The following OBSL1 variants were observed in gnomAD, a reference collection of about 807,000 sequenced individuals.
The protein encoded by OBSL1 is obscurin-like protein 1.
OBSL1 carries 160 observed loss-of-function variants against 172.0 expected under a neutral mutation model. The ratio of observed to expected loss-of-function variants is 0.93; its 90% confidence interval spans 0.82 to 1.06. The LOEUF is 1.06. Among genes scored for constraint, OBSL1 ranks in the 50% least tolerant of loss-of-function variants. OBSL1 has a pLI of 0.00. For synonymous variants in OBSL1, 1,200 were observed against 1,196.3 expected (o/e 1.00, Z -0.06); for missense variants, 2,681 against 2,715.4 (o/e 0.99, Z 0.28).
At chr2:219,563,116 C>A (rs1347988652) in intron 7 of OBSL1, 7 of 524,370 alleles carry the variant, frequency 1.3e-5, no homozygotes, top group Non-Finnish European at 2.3e-5. Context: ...TCCCTTGGTA[C>A]AGGTTTTCAG....
chr2:219,558,880 G>A (rs760173741), intron 9 of OBSL1, among the ~76,000 whole-genome samples: 5 of 151,964 alleles, frequency 3.3e-5, no homozygotes, highest in Admixed American at 6.6e-5. Flanking sequence ...TTTATTTTTT[G>A]TCTGTCCACC....
At chr2:219,548,212 G>T, downstream of OBSL1, 1 of 873,522 alleles carries the variant, frequency 1.1e-6, no homozygotes, top group Non-Finnish European at 1.7e-6. Context: ...CTTGCTCAGG[G>T]TCTGGGAGGA....
Position 219,568,446 on chromosome 2 carries a change from G to C in OBSL1, c.1013-122C>G, listed in dbSNP as rs541941535. On this transcript the variant is annotated intron_variant, in intron 1 of 20. Transcript: ENST00000404537. The surrounding 1 kb of genome is among the most constrained non-coding windows in gnomAD (Gnocchi z 4.1). ...TTCATGCAGAGCCAGCGGGCACTGT[G>C]GAATCACAGAAAACTACCAGAAGGG... is the stretch of plus-strand genomic sequence containing the variant. The C allele has an allele frequency of 1.2e-5, 12 of 984,066 alleles. No homozygotes were observed. In the Admixed American group the frequency reaches 3.4e-4, roughly 28 times the overall value. 61.0% of individuals were successfully genotyped at this position (984,066 alleles called of 1,614,324 possible).
Position 219,567,578 on chromosome 2 carries a change from G to A in OBSL1, c.1535-3C>T. 6.2e-7 allele frequency: 1 copy of A among 1,607,030 alleles called. No homozygotes were observed. The highest frequency in any genetic ancestry group is 8.5e-7 in the Non-Finnish European group (1 of 1,174,284). On this transcript the variant is annotated splice_region_variant and splice_polypyrimidine_tract_variant and intron_variant, in intron 3 of 20. Transcript: ENST00000404537. ...TCCTGGGGGACTGTGCTTGACACCT[G>A]AGACCAAGGCAGGGATGTGTTCCGG...
chr2:219,563,444 A>G lies in OBSL1; in HGVS notation c.2591T>C (p.Leu864Pro), dbSNP rs903796114. Reference sequence around the variant, plus strand: ...TGAGGGCTGGGTGGCGGGCAGCACCAGGCGGCGATGGGGCCCCTCATTCTC... The same window carrying G: ...TGAGGGCTGGGTGGCGGGCAGCACCGGGCGGCGATGGGGCCCCTCATTCTC... ...VLENEGPHRR[L>P]VLPATQPSDG... The change falls in exon 7 of 21, where the codon CTG (leucine) becomes CCG (proline). Residue 864 changes from leucine to proline, a missense_variant. By Grantham distance (98) the Leu-to-Pro change is moderately conservative (BLOSUM62 -3). This residue lies in a region of OBSL1 where 1,765 missense variants were observed against 1,748.3 expected (regional missense o/e 1.01). Coordinates refer to ENST00000404537, the MANE Select transcript of OBSL1 (RefSeq NM_015311.3). The G allele has an allele frequency of 1.3e-5, 21 of 1,613,620 alleles. No individual in the cohort carries two copies. Among genetic ancestry groups the G allele is most frequent in the Non-Finnish European group, 1.8e-5 (21 of 1,179,760 alleles).
At chr2:219,555,681 GT>G in intron 14 of OBSL1, 9 of 1,124,114 alleles carry the variant, frequency 8.0e-6, no homozygotes, top group Non-Finnish European at 8.7e-6. Flanking sequence ...GTGGGGTGCT[GT>G]TTGACAGCCA....
In OBSL1 at chr2:219,570,868, C is replaced by T. The variant is rs772266785; in HGVS notation, c.365G>A (p.Gly122Glu). The T allele has an allele frequency of 7.2e-7, 1 of 1,397,394 alleles. No individual in the cohort carries two copies. Among genetic ancestry groups the T allele is most frequent in the Non-Finnish European group, 9.3e-7 (1 of 1,077,250 alleles). The allele number at this position is 1,397,394 out of a possible 1,614,324, so 86.6% of individuals were successfully genotyped here. A position where few individuals can be genotyped will look rare whatever the true frequency, so the allele number is the denominator to read the frequency against. The change falls in exon 1 of 21, where the codon GGG becomes GAG. Residue 122 changes from glycine to glutamate, a missense_variant. Gly to Glu is a moderately conservative substitution (Grantham distance 98, BLOSUM62 -2). Coordinates refer to ENST00000404537, the MANE Select transcript of OBSL1 (RefSeq NM_015311.3). ...QPAERPLPSP[G>E]SGEGAPVFLT... ...GAAGACCGGGGCGCCCTCCCCGGAC[C>T]CCGGCGATGGCAGCGGGCGCTCGGC...
At chr2:219,554,405 C>T in intron 15 of OBSL1, 69 bp downstream of exon 15, 1 of 1,556,438 alleles carries the variant, frequency 6.4e-7, no homozygotes, top group South Asian at 1.2e-5. Flanking sequence ...AGTTGGGGGT[C>T]AGTATTCATG....
chr2:219,561,404 T>C (rs559781801), intron 8 of OBSL1, among the ~76,000 whole-genome samples: 1 of 152,188 alleles, frequency 6.6e-6, no homozygotes, highest in East Asian at 1.9e-4. Flanking sequence ...CTTCTCCCGC[T>C]TTGAATATTC....
chr2:219,565,847 G>A (rs1315699094), intron 5 of OBSL1, among the ~76,000 whole-genome samples: 3 of 152,164 alleles, frequency 2.0e-5, no homozygotes, highest in East Asian at 1.9e-4. Flanking sequence ...CTCTGCCTGC[G>A]ATGCTGACAG....
chr2:219,549,759 C>T (rs768889415), downstream of OBSL1: 7 of 1,614,144 alleles, frequency 4.3e-6, no homozygotes, highest in South Asian at 6.6e-5. Context: ...CGGGAGCTCC[C>T]TGAGCTCCTT....
chr2:219,559,710 G>A (rs532589038), intron 8 of OBSL1: 12 of 546,968 alleles, frequency 2.2e-5, no homozygotes, highest in Admixed American at 6.4e-5. Flanking sequence ...GAAATGATGC[G>A]TTTCTCATCT....
At chr2:219,553,798 TGG>T in intron 15 of OBSL1, 112 bp from the exon 16 acceptor site, 2 of 298,030 alleles carry the variant, frequency 6.7e-6, no homozygotes, top group Non-Finnish European at 5.9e-6. Context: ...CACTAGCGAG[TGG>T]GGTTCGAGCT....
Position 219,567,804 on chromosome 2 carries a change from A to G in OBSL1, c.1448T>C (p.Val483Ala). 2 of 1,613,822 alleles carry G rather than the reference A, an allele frequency of 1.2e-6. No individual in the cohort carries two copies. Among genetic ancestry groups the G allele is most frequent in the African/African-American group, 2.7e-5 (2 of 75,032 alleles). ...ATCCTCTCGGGTGACCCCTGGAAGG[A>G]CCAGGGCATGCATGTGGCCTGAGCT... ...QSSSGHMHALVLPGVTREDAG... is the reference protein window; with the variant it reads ...QSSSGHMHALALPGVTREDAG... The change falls in exon 3 of 21, where the codon GTC (valine) becomes GCC (alanine). Residue 483 changes from valine to alanine, a missense_variant. Val to Ala is a moderately conservative substitution (Grantham distance 64). Around this residue, in one of 5 missense-constraint regions of OBSL1, gnomAD observed 706 missense variants for 695.8 expected, o/e 1.01. Coordinates refer to ENST00000404537, the MANE Select transcript of OBSL1 (RefSeq NM_015311.3).
At chr2:219,562,731 T>A in intron 7 of OBSL1, 57 bp from the exon 8 acceptor site, 9 of 1,490,174 alleles carry the variant, frequency 6.0e-6, no homozygotes, top group Non-Finnish European at 8.1e-6. Flanking sequence ...CCGTCCTCCC[T>A]GACCCCGTTG....
chr2:219,566,282 G>C (rs1432256409), intron 5 of OBSL1, among the ~76,000 whole-genome samples: 2 of 152,186 alleles, frequency 1.3e-5, no homozygotes, highest in Non-Finnish European at 2.9e-5. Context: ...GGGAGGCTGA[G>C]GCAGGAGAAT....
downstream of OBSL1, among the ~76,000 whole-genome samples, chr2:219,548,783 T>C (rs1321117701): frequency 3.3e-5 from 5 of 152,166 alleles, no homozygotes; most frequent in Non-Finnish European, 7.4e-5. Context: ...GGATGCTCAT[T>C]CTGCTGCCGA....
chr2:219,547,870 C>T (rs771239094), downstream of OBSL1: 10 of 1,590,694 alleles, frequency 6.3e-6, no homozygotes, highest in South Asian at 2.2e-5. Flanking sequence ...TGGCCACCGC[C>T]GTGACTGGTG....
rs138262993 is a variant in OBSL1, at chr2:219,567,740, G to A, written c.1512C>T (p.Thr504=). 1.5e-3 allele frequency: 2,400 copies of A among 1,612,264 alleles called. 34 individuals carry two copies. The African/African-American group carries it at 0.028, about 19-fold the overall frequency. The change falls in exon 3 of 21, where the codon ACC becomes ACT. Residue 504 remains threonine, a synonymous_variant. Coordinates refer to ENST00000404537, the MANE Select transcript of OBSL1 (RefSeq NM_015311.3). ...EVTFSLGNSR[T]TTLLRVKCVK... is the part of the protein sequence containing the mutation. ...CACATTTTACTCTGAGAAGCGTAGT[G>A]GTACGGGAGTTGCCCAGGCTAAAGG...
Sources: allele counts gnomAD v4.1 joint callset (sites outside exome capture counted in the v4.1 genomes callset), GRCh38; gene constraint gnomAD v4.1.1; regional missense constraint gnomAD v4.1.1; non-coding constraint Gnocchi (gnomAD v3.1); transcripts MANE v1.5; gene names NCBI Gene and HGNC (gene_info 2026-07-23, HGNC 2026-07-21).